Variants in SENP7 observed in about 807,000 individuals in gnomAD.
SENP7 encodes SUMO specific peptidase 7.
Under a neutral mutation model 141.2 loss-of-function variants are expected in SENP7, and 64 were observed. The observed-to-expected ratio is 0.45, with a 90% confidence interval of 0.37 to 0.56. The LOEUF (loss-of-function observed/expected upper bound fraction) is 0.56. Among genes scored for constraint, SENP7 ranks in the 20% least tolerant of loss-of-function variants. SENP7 has a pLI of 0.00. For synonymous variants in SENP7, 382 were observed against 426.4 expected, an observed-to-expected ratio of 0.90 and a Z score of 1.28; for missense variants, 1,025 against 1,212.2, an observed-to-expected ratio of 0.85 and a Z score of 2.29.
intron 4 of SENP7, among the ~76,000 whole-genome samples, chr3:101,450,125 A>T (rs972697471): frequency 6.6e-6 from 1 of 152,254 alleles, no homozygotes; most frequent in Non-Finnish European, 1.5e-5. Flanking sequence ...AGGCCATTGC[A>T]TAATGGTAAA....
intron 11 of SENP7, among the ~76,000 whole-genome samples, chr3:101,359,437 C>G (rs1394542498): frequency 1.3e-5 from 2 of 150,734 alleles, no homozygotes; most frequent in African/African-American, 2.4e-5. Context: ...CATCTGCAAA[C>G]AGGGATAGTT....
chr3:101,464,463 G>A (rs973748645), intron 3 of SENP7, among the ~76,000 whole-genome samples: 1 of 152,080 alleles, frequency 6.6e-6, no homozygotes, highest in Admixed American at 6.5e-5. Context: ...CACCTGTCAG[G>A]TCAGTGGCAG....
intron 6 of SENP7, among the ~76,000 whole-genome samples, chr3:101,394,358 A>G (rs1377812146): frequency 6.6e-6 from 1 of 152,100 alleles, no homozygotes; most frequent in Non-Finnish European, 1.5e-5. Context: ...GGGACACTTA[A>G]GTTGATTCTG....
Position 101,506,020 on chromosome 3 carries a change from A to ATTTT in SENP7, c.41-4905_41-4902dup, listed in dbSNP as rs61021808. ...CACTCATTCACTTATTTATTCCATA[A>ATTTT]TTTTTTTTTTTTTTTTTTGAGACGG... On this transcript the variant is annotated intron_variant, in intron 1 of 23. Transcript: ENST00000394095. Among the ~76,000 whole-genome samples the ATTTT allele has an allele frequency of 2.8e-5, 4 of 141,206 alleles. 1 individual carries two copies. The highest frequency in any genetic ancestry group is 7.2e-5 in the Admixed American group (1 of 13,832). 92.6% of individuals were successfully genotyped at this position (141,206 alleles called of 152,430 possible).
At chr3:101,440,581 TAAA>T (rs58673443) in intron 4 of SENP7, among the ~76,000 whole-genome samples, 2 of 124,914 alleles carry the variant, frequency 1.6e-5, no homozygotes, top group African/African-American at 3.0e-5. Flanking sequence ...AAAAATAAAT[TAAA>T]AAAAAAAAAA....
intron 19 of SENP7, among the ~76,000 whole-genome samples, chr3:101,331,289 G>A (rs557140614): frequency 1.3e-5 from 2 of 151,852 alleles, no homozygotes; most frequent in East Asian, 1.9e-4. Context: ...AGACCCACCT[G>A]GGCAACATAG....
intron 6 of SENP7, among the ~76,000 whole-genome samples, chr3:101,390,641 T>C (rs1224556474): frequency 1.3e-5 from 2 of 152,052 alleles, no homozygotes; most frequent in South Asian, 2.1e-4. Flanking sequence ...CAGACTCCAA[T>C]ACAAAAATAA....
intron 6 of SENP7, among the ~76,000 whole-genome samples, chr3:101,390,300 T>C (rs893089662): frequency 2.8e-5 from 4 of 145,432 alleles, no homozygotes; most frequent in African/African-American, 1.0e-4. Context: ...AATTCAACTG[T>C]ATGCTCCCTA....
At chr3:101,403,418 T>C (rs1464234473) in intron 5 of SENP7, among the ~76,000 whole-genome samples, 1 of 152,210 alleles carries the variant, frequency 6.6e-6, no homozygotes, top group East Asian at 1.9e-4. Context: ...ATTGTAAACA[T>C]GAAGAACCCA....
intron 5 of SENP7, 29 bp downstream of exon 5, chr3:101,417,564 T>A (rs1305695286): frequency 1.3e-6 from 2 of 1,559,150 alleles, no homozygotes; most frequent in Non-Finnish European, 1.8e-6. Flanking sequence ...ATGTGGTAAG[T>A]TGAACAAAAT....
intron 4 of SENP7, among the ~76,000 whole-genome samples, chr3:101,430,733 A>AT (rs2062134596): frequency 6.6e-6 from 1 of 151,992 alleles, no homozygotes; most frequent in Non-Finnish European, 1.5e-5. Context: ...TAGCTTTTGA[A>AT]TTTGTTTGCT....
At chr3:101,391,970 T>C (rs541262471) in intron 6 of SENP7, among the ~76,000 whole-genome samples, 14 of 152,220 alleles carry the variant, frequency 9.2e-5, no homozygotes, top group Middle Eastern at 3.4e-3. Context: ...GCAAAAACCA[T>C]GTGATCACCT....
intron 6 of SENP7, among the ~76,000 whole-genome samples, chr3:101,382,555 A>G (rs2060532499): frequency 6.6e-6 from 1 of 152,272 alleles, no homozygotes; most frequent in African/African-American, 2.4e-5. Context: ...GCAGTTATAA[A>G]GTATTTCTAA....
In SENP7 at chr3:101,372,124, C is replaced by G. The variant is rs748905082; in HGVS notation, c.680G>C (p.Gly227Ala). ...ATCTACTGTCTTACTTCGTTGTGAG[C>G]CCCTGCAAAAGAGAACTGTATTATA... is the stretch of plus-strand genomic sequence containing the variant. The part of the protein sequence containing the change: ...PHKSCYLSER[G>A]SQRSKTVDDN... The change falls in exon 7 of 24, where the codon GGC becomes GCC. Residue 227 changes from glycine to alanine, a missense_variant and splice_region_variant. Transcript: ENST00000394095. 6.6e-7 allele frequency: 1 copy of G among 1,526,442 alleles called. No individual in the cohort carries two copies. The highest frequency in any genetic ancestry group is 8.9e-7 in the Non-Finnish European group (1 of 1,122,912). The allele number at this position is 1,526,442 out of a possible 1,614,324, so 94.6% of individuals were successfully genotyped here. A position where few individuals can be genotyped will look rare whatever the true frequency, so the allele number is the denominator to read the frequency against.
chr3:101,434,963 T>A (rs2062327132), intron 4 of SENP7, among the ~76,000 whole-genome samples: 1 of 151,490 alleles, frequency 6.6e-6, no homozygotes, highest in Non-Finnish European at 1.5e-5. Context: ...CAAAGAAACA[T>A]CAAAAAAAGA....
intron 17 of SENP7, among the ~76,000 whole-genome samples, chr3:101,333,566 T>A (rs2059110990): frequency 6.6e-6 from 1 of 152,108 alleles, no homozygotes; most frequent in Non-Finnish European, 1.5e-5. Flanking sequence ...ATTAAAAATC[T>A]TAATGGAGGA....
intron 5 of SENP7, among the ~76,000 whole-genome samples, chr3:101,413,218 A>G (rs533762741): frequency 3.0e-4 from 45 of 152,310 alleles, no homozygotes; most frequent in Non-Finnish European, 3.5e-4. Context: ...CTGAGTAGAA[A>G]TGAAAATAAA....
intron 6 of SENP7, among the ~76,000 whole-genome samples, chr3:101,391,386 T>C (rs543560280): frequency 1.1e-4 from 16 of 143,116 alleles, no homozygotes; most frequent in African/African-American, 3.6e-4. Context: ...ATAAATACAA[T>C]CAGAAACAAA....
chr3:101,458,256 C>T (rs1233224672), intron 4 of SENP7, among the ~76,000 whole-genome samples: 1 of 152,194 alleles, frequency 6.6e-6, no homozygotes, highest in Non-Finnish European at 1.5e-5. Context: ...AGTACTTTGA[C>T]ATAAATTCAA....
Sources: gnomAD v4.1 joint callset for allele counts (sites outside exome capture counted in the v4.1 genomes callset) on GRCh38, gnomAD v4.1.1 for gene constraint, MANE v1.5 for transcripts, NCBI Gene and HGNC (gene_info 2026-07-23, HGNC 2026-07-21) for gene names.